The following KCNMB2 variants were observed in gnomAD, a reference collection of about 807,000 sequenced individuals.
The protein encoded by KCNMB2 is calcium-activated potassium channel subunit beta-2.
KCNMB2 carries 9 observed loss-of-function variants against 24.5 expected under a neutral mutation model. That is an observed-to-expected ratio of 0.37 (90% CI 0.22 to 0.64). KCNMB2 has a LOEUF of 0.64. Ranked by LOEUF, KCNMB2 falls within the 30% of genes least tolerant of loss-of-function variation. The pLI is 0.63. For synonymous variants in KCNMB2, 109 were observed against 104.4 expected (o/e 1.04, Z -0.27); for missense variants, 226 against 284.3 (o/e 0.79, Z 1.47).
At chr3:178,539,101 T>C (rs1715503539) in intron 1 of KCNMB2, among the ~76,000 whole-genome samples, 2 of 152,192 alleles carry the variant, frequency 1.3e-5, no homozygotes, top group African/African-American at 4.8e-5. Context: ...GTTGTCCTTG[T>C]TCTCTGTCTC....
At chr3:178,754,177 T>TATATATACACAC (rs1435109631) in intron 1 of KCNMB2, among the ~76,000 whole-genome samples, 3 of 117,224 alleles carry the variant, frequency 2.6e-5, no homozygotes, top group African/African-American at 1.1e-4. Context: ...TATATATATA[T>TATATATACACAC]ACACACACAC....
chr3:178,754,712 T>A (rs1723967864), intron 1 of KCNMB2, among the ~76,000 whole-genome samples: 1 of 152,112 alleles, frequency 6.6e-6, no homozygotes, highest in Non-Finnish European at 1.5e-5. Context: ...TACTTTGCTG[T>A]AACAAAGCAT....
intron 1 of KCNMB2, among the ~76,000 whole-genome samples, chr3:178,781,272 TG>T (rs1368238823): frequency 6.6e-5 from 10 of 152,162 alleles, no homozygotes; most frequent in Admixed American, 2.0e-4. Context: ...TGTTTTGTTT[TG>T]TTTACAGCAA....
intron 2 of KCNMB2, among the ~76,000 whole-genome samples, chr3:178,817,001 T>G (rs975059576): frequency 2.6e-5 from 4 of 152,034 alleles, no homozygotes; most frequent in African/African-American, 9.7e-5. Context: ...ATTAAAATAT[T>G]AAGATATCAT....
At chr3:178,724,788 A>C (rs544626499) in intron 1 of KCNMB2, among the ~76,000 whole-genome samples, 1 of 151,810 alleles carries the variant, frequency 6.6e-6, no homozygotes, top group South Asian at 2.1e-4. Flanking sequence ...ATTTTTGTTA[A>C]CTTTGTCAAA....
intron 1 of KCNMB2, among the ~76,000 whole-genome samples, chr3:178,590,082 G>A (rs1320530441): frequency 1.3e-5 from 2 of 152,150 alleles, no homozygotes; most frequent in Non-Finnish European, 2.9e-5. Context: ...GTAAGGTTTG[G>A]TATGAGACTA....
rs67468527 is a variant in KCNMB2 at position 178,655,095 on chromosome 3, C to CCTCTCTCTCTCTCTCTCTCT, written c.-68+118413_-68+118432dup. Among the ~76,000 whole-genome samples, 19 of 111,132 alleles carry CCTCTCTCTCTCTCTCTCTCT rather than the reference C, an allele frequency of 1.7e-4. 1 individual carries two copies. The highest frequency in any genetic ancestry group is 2.5e-4 in the Non-Finnish European group (14 of 55,618). The allele number at this position is 111,132 out of a possible 152,430, so 72.9% of individuals were successfully genotyped here. Reference sequence around the variant, plus strand: ...TAAAGTTCAGTAAATATTAGCTCTCCCTCTCTCTCTCTCTCTCTCTCTCTC... The same window carrying CCTCTCTCTCTCTCTCTCTCT: ...TAAAGTTCAGTAAATATTAGCTCTCCCTCTCTCTCTCTCTCTCTCTCTCTCTCTCTCTCTCTCTCTCTCTC... On this transcript the variant is annotated intron_variant, in intron 1 of 4. Transcript: ENST00000452583.
chr3:178,768,906 A>G (rs1712232740), intron 1 of KCNMB2, among the ~76,000 whole-genome samples: 1 of 152,230 alleles, frequency 6.6e-6, no homozygotes, highest in Admixed American at 6.5e-5. Context: ...TTAGTTTCAC[A>G]TGAGTGAAAT....
rs192534040 is a variant in KCNMB2 at position 178,703,968 on chromosome 3, G to A, written c.-67-103375G>A. ...GAAAAAATTCAAGAGTCAGGTCTGT[G>A]GTGAATCTCTCAAGCAATAAAGAAA... On this transcript the variant is annotated intron_variant, in intron 1 of 4. Coordinates refer to ENST00000452583, the MANE Select transcript of KCNMB2 (RefSeq NM_181361.3). 6.6e-5 allele frequency among the ~76,000 whole-genome samples: 10 copies of A among 152,222 alleles called. No homozygotes were observed. The East Asian group carries it at 1.7e-3, about 26-fold the overall frequency.
At chr3:178,725,901 C>G (rs1365765340) in intron 1 of KCNMB2, among the ~76,000 whole-genome samples, 1 of 151,734 alleles carries the variant, frequency 6.6e-6, no homozygotes, top group Non-Finnish European at 1.5e-5. Flanking sequence ...TCCTAACAAT[C>G]TCTATGTTTT....
chr3:178,759,269 A>T (rs1487518888), intron 1 of KCNMB2, among the ~76,000 whole-genome samples: 3 of 125,516 alleles, frequency 2.4e-5, no homozygotes, highest in Non-Finnish European at 5.0e-5. Flanking sequence ...GAAGAGACAG[A>T]TACATATATA....
intron 1 of KCNMB2, among the ~76,000 whole-genome samples, chr3:178,596,196 C>G (rs73181169): frequency 2.0e-5 from 3 of 152,186 alleles, no homozygotes; most frequent in Non-Finnish European, 4.4e-5. Flanking sequence ...GTTTCTGAGT[C>G]CTACTCACAC....
chr3:178,555,207 AAC>A (rs1256400646), intron 1 of KCNMB2, among the ~76,000 whole-genome samples: 3 of 152,222 alleles, frequency 2.0e-5, no homozygotes, highest in Non-Finnish European at 4.4e-5. Flanking sequence ...GACTGAACAG[AAC>A]ATCTTACTCT....
intron 1 of KCNMB2, among the ~76,000 whole-genome samples, chr3:178,718,818 A>C (rs560482328): frequency 8.5e-5 from 13 of 152,256 alleles, no homozygotes; most frequent in African/African-American, 3.1e-4. Context: ...TTACTGACCT[A>C]AGCAAATATA....
At chr3:178,687,806 G>C (rs144852167) in intron 1 of KCNMB2, among the ~76,000 whole-genome samples, 101 of 151,946 alleles carry the variant, frequency 6.6e-4, no homozygotes, top group African/African-American at 2.2e-3. Context: ...GGAAAAGAAA[G>C]AAAAAAATTC....
intron 1 of KCNMB2, among the ~76,000 whole-genome samples, chr3:178,618,781 G>C (rs1204773485): frequency 2.0e-5 from 3 of 152,180 alleles, no homozygotes; most frequent in African/African-American, 4.8e-5. Context: ...GAGAGGCTAA[G>C]AGAATTTAAA....
At chr3:178,568,869 TAG>T (rs1716659297) in intron 1 of KCNMB2, among the ~76,000 whole-genome samples, 2 of 146,462 alleles carry the variant, frequency 1.4e-5, no homozygotes, top group African/African-American at 5.2e-5. Context: ...GATAGATAGA[TAG>T]ATAGATAGAT....
At chr3:178,670,043 C>T (rs934353798) in intron 1 of KCNMB2, among the ~76,000 whole-genome samples, 9 of 152,052 alleles carry the variant, frequency 5.9e-5, no homozygotes, top group East Asian at 1.9e-4. Flanking sequence ...AGAAAGGATT[C>T]GAAGTTGAGC....
intron 1 of KCNMB2, among the ~76,000 whole-genome samples, chr3:178,782,565 GT>G (rs1304113704): frequency 6.8e-6 from 1 of 146,826 alleles, no homozygotes; most frequent in Non-Finnish European, 1.5e-5. Context: ...TTTTTCATGT[GT>G]TTTTTGGCTG....
Sources: allele counts gnomAD v4.1 joint callset (sites outside exome capture counted in the v4.1 genomes callset), GRCh38; gene constraint gnomAD v4.1.1; transcripts MANE v1.5; gene names NCBI Gene and HGNC (gene_info 2026-07-23, HGNC 2026-07-21).